The following LINGO2 variants were observed in gnomAD, a reference collection of about 807,000 sequenced individuals.
LINGO2 encodes leucine-rich repeat and immunoglobulin-like domain-containing nogo receptor-interacting protein 2.
A neutral mutation model predicts 30.6 loss-of-function variants in LINGO2; 14 were observed. The observed-to-expected ratio is 0.46, with a 90% CI of 0.30 to 0.72. The LOEUF is 0.72. Ranked by LOEUF, LINGO2 falls within the 30% of genes least tolerant of loss-of-function variation. The pLI is 0.07. For synonymous variants in LINGO2, 317 were observed against 288.5 expected, an observed-to-expected ratio of 1.10 and a Z score of -1.00; for missense variants, 729 against 751.7, an observed-to-expected ratio of 0.97 and a Z score of 0.35.
At chr9:28,022,826 C>A (rs1190092727) in intron 4 of LINGO2, among the ~76,000 whole-genome samples, 2 of 151,440 alleles carry the variant, frequency 1.3e-5, no homozygotes, top group African/African-American at 2.4e-5. Context: ...TATGATATAC[C>A]TTTTGAAATT....
chr9:28,586,503 T>C (rs997973239), intron 1 of LINGO2, among the ~76,000 whole-genome samples: 1 of 152,062 alleles, frequency 6.6e-6, no homozygotes, highest in Non-Finnish European at 1.5e-5. Flanking sequence ...TATTGAATAA[T>C]GTTTAGAAAT....
the LINGO2 span, among the ~76,000 whole-genome samples, chr9:28,972,393 A>G: frequency 5.3e-5 from 8 of 152,344 alleles, no homozygotes; most frequent in South Asian, 2.1e-4. Context: ...AGGAAACTCA[A>G]AAAAATTCAG....
chr9:28,969,740 G>A, the LINGO2 span, among the ~76,000 whole-genome samples: 1 of 152,186 alleles, frequency 6.6e-6, no homozygotes, highest in African/African-American at 2.4e-5. Flanking sequence ...ACGTGGGTAT[G>A]AAGGAAGAGA....
chr9:28,794,670 T>C, the LINGO2 span, among the ~76,000 whole-genome samples: 1 of 152,144 alleles, frequency 6.6e-6, no homozygotes, highest in African/African-American at 2.4e-5. Context: ...AGATTTATTC[T>C]GGAAGTGTAA....
chr9:28,932,636 G>A, the LINGO2 span, among the ~76,000 whole-genome samples: 1 of 151,870 alleles, frequency 6.6e-6, no homozygotes, highest in African/African-American at 2.4e-5. Context: ...GTCCCTAAAA[G>A]GTAACTTTTC....
intron 1 of LINGO2, among the ~76,000 whole-genome samples, chr9:28,490,133 C>T (rs1028111227): frequency 6.6e-6 from 1 of 152,044 alleles, no homozygotes; most frequent in African/African-American, 2.4e-5. Flanking sequence ...CTTTCGAATC[C>T]TACCCCAGTA....
chr9:28,235,726 C>A (rs192947171), intron 4 of LINGO2, among the ~76,000 whole-genome samples: 2 of 152,096 alleles, frequency 1.3e-5, no homozygotes, highest in African/African-American at 4.8e-5. Flanking sequence ...TTCTTAATAG[C>A]AGAAATGATC....
At chr9:28,179,517 T>A (rs549698129) in intron 4 of LINGO2, among the ~76,000 whole-genome samples, 8 of 106,146 alleles carry the variant, frequency 7.5e-5, no homozygotes, top group African/African-American at 2.5e-4. Context: ...TATATATAGT[T>A]TATATATATA....
the LINGO2 span, among the ~76,000 whole-genome samples, chr9:29,115,721 G>A: frequency 6.6e-6 from 1 of 151,812 alleles, no homozygotes; most frequent in Admixed American, 6.6e-5. Context: ...ATCATGATAT[G>A]CAATTAAAGA....
At chr9:28,124,015 G>T (rs1827171203) in intron 4 of LINGO2, among the ~76,000 whole-genome samples, 1 of 152,054 alleles carries the variant, frequency 6.6e-6, no homozygotes, top group African/African-American at 2.4e-5. Context: ...TAATATCCTA[G>T]GACTTTTTTC....
intron 5 of LINGO2, among the ~76,000 whole-genome samples, chr9:27,962,832 T>C (rs905819510): frequency 5.9e-5 from 9 of 152,144 alleles, no homozygotes; most frequent in South Asian, 2.1e-4. Flanking sequence ...CTAAAATCTA[T>C]AGGGAGTTGA....
chr9:28,486,051 G>A lies in LINGO2; in HGVS notation c.-364-10026C>T, dbSNP rs187477006. Among the ~76,000 whole-genome samples the A allele has an allele frequency of 7.4e-4, 113 of 152,130 alleles. 1 individual carries two copies. The highest frequency in any genetic ancestry group is 2.5e-3 in the African/African-American group (102 of 41,514). On this transcript the variant is annotated intron_variant, in intron 1 of 5. Coordinates refer to ENST00000379992, the Ensembl canonical transcript of LINGO2. ...GCTTGGAATGACTAACTTTTTGGTA[G>A]GAGAAAAGGCACATACTCTCGGAAT...
chr9:28,833,610 C>A, the LINGO2 span, among the ~76,000 whole-genome samples: 3 of 152,112 alleles, frequency 2.0e-5, no homozygotes, highest in Non-Finnish European at 4.4e-5. Context: ...TTCAATGGTA[C>A]AAGTAGAAGT....
the LINGO2 span, among the ~76,000 whole-genome samples, chr9:29,187,329 T>C: frequency 6.6e-6 from 1 of 152,190 alleles, no homozygotes; most frequent in Non-Finnish European, 1.5e-5. Flanking sequence ...TCTTTTTCCA[T>C]TGCATCTTAT....
intron 1 of LINGO2, among the ~76,000 whole-genome samples, chr9:28,503,933 A>C (rs1486047329): frequency 6.6e-6 from 1 of 151,912 alleles, no homozygotes; most frequent in Non-Finnish European, 1.5e-5. Context: ...TAGAACAAGA[A>C]AACATGATTG....
the LINGO2 span, among the ~76,000 whole-genome samples, chr9:28,805,639 C>T: frequency 6.6e-6 from 1 of 152,140 alleles, no homozygotes; most frequent in African/African-American, 2.4e-5. Context: ...CACAAATCTA[C>T]TAACAGGATT....
At chr9:28,033,298 C>A (rs1012011371) in intron 4 of LINGO2, among the ~76,000 whole-genome samples, 1 of 152,034 alleles carries the variant, frequency 6.6e-6, no homozygotes, top group African/African-American at 2.4e-5. Context: ...AAAAGAAGCT[C>A]AGTGATGGGG....
At chr9:28,832,608 C>T in the LINGO2 span, among the ~76,000 whole-genome samples, 77,586 of 151,966 alleles carry the variant, frequency 0.51, 20,357 homozygotes, top group Middle Eastern at 0.66. Flanking sequence ...TGCAAAATTC[C>T]TGGGAAGTGT....
chr9:28,650,769 A>G, intron 1 of LINGO2, among the ~76,000 whole-genome samples: 1 of 152,226 alleles, frequency 6.6e-6, no homozygotes, highest in East Asian at 1.9e-4. Context: ...AATAGGACTT[A>G]TATTTTCATT....
Sources: gnomAD v4.1 joint callset for allele counts (sites outside exome capture counted in the v4.1 genomes callset) on GRCh38, gnomAD v4.1.1 for gene constraint, MANE v1.5 for transcripts, NCBI Gene and HGNC (gene_info 2026-07-23, HGNC 2026-07-21) for gene names.